WDFY2: variants seen among roughly 807,000 people sequenced by gnomAD.
WDFY2 encodes WD repeat and FYVE domain-containing protein 2.
Under a neutral mutation model 56.4 loss-of-function variants are expected in WDFY2, and 36 were observed. That is an observed-to-expected ratio of 0.64 (90% CI 0.49 to 0.84). The LOEUF (loss-of-function observed/expected upper bound fraction) is 0.84, where lower values mean the gene tolerates loss of function less well. Among genes scored for constraint, WDFY2 ranks in the 40% least tolerant of loss-of-function variants. WDFY2 has a pLI of 0.00. For synonymous variants in WDFY2, 176 were observed against 183.7 expected (o/e 0.96, Z 0.34); for missense variants, 444 against 512.2 (o/e 0.87, Z 1.29).
intron 1 of WDFY2, among the ~76,000 whole-genome samples, chr13:51,619,328 G>A (rs1258245324): frequency 6.6e-6 from 1 of 151,956 alleles, no homozygotes; most frequent in African/African-American, 2.4e-5. Flanking sequence ...GCTGGGCATG[G>A]TGGTGCACGC....
rs983641393 is a variant in WDFY2, at chr13:51,675,170, C to T, written c.206C>T (p.Ser69Phe). The change falls in exon 3 of 12, where the codon TCT becomes TTT. Residue 69 changes from serine to phenylalanine, a missense_variant and splice_region_variant. Ser to Phe is a radical substitution (Grantham distance 155). Coordinates refer to ENST00000298125, the MANE Select transcript of WDFY2 (RefSeq NM_052950.4). ...TCATCAACATGTTCATTTCTTTCAG[C>T]TCCATGTTCATGCATGTCTTTTAAC... The part of the protein sequence containing the change: ...YWPSVYHAMP[S>F]PCSCMSFNPE... 11 of 1,613,758 alleles carry T rather than the reference C, an allele frequency of 6.8e-6. No homozygotes were observed. The highest frequency in any genetic ancestry group is 9.3e-6 in the Non-Finnish European group (11 of 1,179,748).
In WDFY2 at chr13:51,696,311, C is replaced by A. The variant is rs528494179; in HGVS notation, c.280-7285C>A. On this transcript the variant is annotated intron_variant, in intron 3 of 11. Transcript: ENST00000298125. ...GTAGACCAGAGCTGTTCCTTTTTGG[C>A]CATCTTGGCTCCAGCCCCCAATCAA... 1.2e-4 allele frequency among the ~76,000 whole-genome samples: 18 copies of A among 152,290 alleles called. 1 individual carries two copies. The highest frequency in any genetic ancestry group is 7.8e-4 in the Admixed American group (12 of 15,302).
chr13:51,600,467 G>T (rs1222174603), intron 1 of WDFY2, among the ~76,000 whole-genome samples: 1 of 152,148 alleles, frequency 6.6e-6, no homozygotes, highest in East Asian at 1.9e-4. Context: ...GCTCACACTG[G>T]CTTCCTCTGT....
chr13:51,704,921 T>C (rs1309682705), intron 4 of WDFY2, among the ~76,000 whole-genome samples: 1 of 152,180 alleles, frequency 6.6e-6, no homozygotes, highest in Non-Finnish European at 1.5e-5. Context: ...CTAATGATCA[T>C]TGCCTCCTGG....
At chr13:51,724,825 A>G (rs886487477) in intron 5 of WDFY2, among the ~76,000 whole-genome samples, 1 of 152,228 alleles carries the variant, frequency 6.6e-6, no homozygotes, top group African/African-American at 2.4e-5. Context: ...ATCATATGGA[A>G]TAGTTTCACT....
At chr13:51,668,743 T>A (rs1449092005) in intron 2 of WDFY2, among the ~76,000 whole-genome samples, 1 of 152,184 alleles carries the variant, frequency 6.6e-6, no homozygotes, top group Admixed American at 6.5e-5. Flanking sequence ...GTTATTTAGT[T>A]TTAAAGTTTG....
Position 51,763,468 on chromosome 13 carries a change from T to G in WDFY2, c.*3699T>G, listed in dbSNP as rs1162507217. 6.6e-6 allele frequency: 1 copy of G among 152,222 alleles called. No homozygotes were observed. Among genetic ancestry groups the G allele is most frequent in the Non-Finnish European group, 1.5e-5 (1 of 68,034 alleles). 9.4% of individuals were successfully genotyped at this position (152,222 alleles called of 1,614,324 possible). ...ATTCCCAGGCTTACAGCACTGCCCT[T>G]ATGGAATATCACATTTTCATTTTCT... On this transcript the variant is annotated 3_prime_UTR_variant, in exon 12 of 12. Coordinates refer to ENST00000298125, the MANE Select transcript of WDFY2 (RefSeq NM_052950.4).
intron 1 of WDFY2, among the ~76,000 whole-genome samples, chr13:51,613,109 G>A (rs1954535934): frequency 2.0e-5 from 3 of 151,954 alleles, no homozygotes; most frequent in Admixed American, 2.0e-4. Context: ...GAGGTGGGAG[G>A]ATCACTTAAG....
intron 1 of WDFY2, among the ~76,000 whole-genome samples, chr13:51,651,093 C>T (rs1399867677): frequency 6.6e-6 from 1 of 152,112 alleles, no homozygotes; most frequent in Non-Finnish European, 1.5e-5. Context: ...AATTTCAGAG[C>T]CTCTTATTGG....
At chr13:51,672,087 A>G (rs979704029) in intron 2 of WDFY2, among the ~76,000 whole-genome samples, 5 of 152,106 alleles carry the variant, frequency 3.3e-5, no homozygotes, top group Non-Finnish European at 7.4e-5. Context: ...GCTGGCCTGC[A>G]TTTGCTTTTG....
chr13:51,588,219 C>T (rs1450189570), intron 1 of WDFY2: 2 of 152,098 alleles, frequency 1.3e-5, no homozygotes, highest in Non-Finnish European at 2.9e-5. Context: ...TTTAGCATTC[C>T]CTGCCTAGGA....
At chr13:51,714,426 GAAT>G (rs1952298252) in intron 4 of WDFY2, among the ~76,000 whole-genome samples, 2 of 152,076 alleles carry the variant, frequency 1.3e-5, no homozygotes, top group Non-Finnish European at 2.9e-5. Flanking sequence ...CAAGTAGCTG[GAAT>G]TACAGGCGCT....
intron 4 of WDFY2, 134 bp from the exon 5 acceptor site, chr13:51,719,062 ACC>A: frequency 8.1e-7 from 1 of 1,227,282 alleles, no homozygotes; most frequent in Non-Finnish European, 1.2e-6. Context: ...CCACTGTTCT[ACC>A]TTGTCCTTAA....
chr13:51,619,880 G>C (rs188510711), intron 1 of WDFY2, among the ~76,000 whole-genome samples: 1 of 152,336 alleles, frequency 6.6e-6, no homozygotes, highest in Admixed American at 6.5e-5. Context: ...TTGCATAGTT[G>C]GCTGCCTATA....
chr13:51,715,129 AG>A (rs1278622541), intron 4 of WDFY2, among the ~76,000 whole-genome samples: 1 of 152,214 alleles, frequency 6.6e-6, no homozygotes, highest in African/African-American at 2.4e-5. Context: ...GTGAATGTGA[AG>A]GCCTTGGACA....
At chr13:51,671,781 T>G (rs1000757818) in intron 2 of WDFY2, among the ~76,000 whole-genome samples, 9 of 133,046 alleles carry the variant, frequency 6.8e-5, no homozygotes, top group Non-Finnish European at 1.5e-4. Flanking sequence ...ATTTGCTTTT[T>G]TTTTTTTTTT....
intron 3 of WDFY2, among the ~76,000 whole-genome samples, chr13:51,691,672 C>T (rs1351457650): frequency 5.3e-5 from 8 of 151,794 alleles, no homozygotes; most frequent in African/African-American, 1.2e-4. Context: ...ATTGACTTGG[C>T]GATGCGGGCT....
At position 51,584,578 on chromosome 13, in the gene WDFY2, T is replaced by C; in HGVS notation, c.-110T>C. On this transcript the variant is annotated 5_prime_UTR_variant, in exon 1 of 12. Transcript: ENST00000298125. ...TGCTCGCCGGTTTCCGGCGTTCCGC[T>C]CCGGCCAGCCAGAGTCTCTGTCTCA... 7.2e-7 allele frequency: 1 copy of C among 1,395,970 alleles called. No homozygotes were observed. Among genetic ancestry groups the C allele is most frequent in the Non-Finnish European group, 9.4e-7 (1 of 1,063,004 alleles). The allele number at this position is 1,395,970 out of a possible 1,614,324, so 86.5% of individuals were successfully genotyped here. A position where few individuals can be genotyped will look rare whatever the true frequency, so the allele number is the denominator to read the frequency against.
At chr13:51,725,423 C>T (rs868607885) in intron 5 of WDFY2, among the ~76,000 whole-genome samples, 3 of 152,098 alleles carry the variant, frequency 2.0e-5, no homozygotes, top group African/African-American at 7.2e-5. Flanking sequence ...CATGGTGGCT[C>T]ACACCTGTAA....
Sources: gnomAD v4.1 joint callset for allele counts (sites outside exome capture counted in the v4.1 genomes callset) on GRCh38, gnomAD v4.1.1 for gene constraint, MANE v1.5 for transcripts, NCBI Gene and HGNC (gene_info 2026-07-23, HGNC 2026-07-21) for gene names.